THSD7B: variants seen among roughly 807,000 people sequenced by gnomAD.
THSD7B encodes thrombospondin type 1 domain containing 7B.
A neutral mutation model predicts 213.6 loss-of-function variants in THSD7B; 138 were observed. The ratio of observed to expected loss-of-function variants is 0.65; its 90% CI spans 0.56 to 0.74. THSD7B has a LOEUF of 0.74. THSD7B is among the 30% of genes least tolerant of loss of function. The probability of loss-of-function intolerance (pLI) is 0.00; values close to 1 mark genes in which losing one functional copy is unlikely to be tolerated. For missense variants in THSD7B, 1,931 were observed against 1,991.5 expected, an observed-to-expected ratio of 0.97 and a Z score of 0.58; for synonymous variants, 742 against 687.0, an observed-to-expected ratio of 1.08 and a Z score of -1.25.
intron 12 of THSD7B, among the ~76,000 whole-genome samples, chr2:137,377,589 A>T (rs1685685691): frequency 6.6e-6 from 1 of 152,022 alleles, no homozygotes; most frequent in African/African-American, 2.4e-5. Flanking sequence ...GAATATTTAA[A>T]TTATGAATTT....
rs150370293 is a variant in THSD7B, at chr2:137,138,427, T to C, written c.1370-21786T>C. 1.2e-3 allele frequency among the ~76,000 whole-genome samples: 178 copies of C among 152,286 alleles called. 8 individuals are homozygous for C. The South Asian group carries it at 0.018, about 15-fold the overall frequency. On this transcript the variant is annotated intron_variant, in intron 5 of 27. Coordinates refer to ENST00000409968, the MANE Select transcript of THSD7B (RefSeq NM_001316349.2). ...TGCAGTTTTTTTACTCTTGGCTATT[T>C]GGGTGGGTGTATGGTGGTTTCTCCT...
At chr2:136,807,255 G>T (rs1682298372) in intron 1 of THSD7B, among the ~76,000 whole-genome samples, 1 of 151,890 alleles carries the variant, frequency 6.6e-6, no homozygotes, top group Non-Finnish European at 1.5e-5. Flanking sequence ...TAACTTATTT[G>T]GAATTTTTCT....
chr2:137,016,344 A>C (rs556341212), intron 2 of THSD7B, among the ~76,000 whole-genome samples: 298 of 152,254 alleles, frequency 2.0e-3, no homozygotes, highest in Non-Finnish European at 3.7e-3. Flanking sequence ...TGCTAACCTG[A>C]TGTATGATAA....
chr2:136,798,204 G>A (rs1031187755), intron 1 of THSD7B, among the ~76,000 whole-genome samples: 1 of 151,704 alleles, frequency 6.6e-6, no homozygotes, highest in Non-Finnish European at 1.5e-5. Flanking sequence ...AGAATAACAG[G>A]GTTCAGAGTC....
intron 2 of THSD7B, among the ~76,000 whole-genome samples, chr2:136,961,219 C>A (rs1396689701): frequency 9.8e-6 from 1 of 101,574 alleles, no homozygotes; most frequent in Non-Finnish European, 1.8e-5. Context: ...ATGTATTTTT[C>A]TTTTCTTTTT....
At chr2:137,054,797 A>T (rs2104875080) in intron 2 of THSD7B, among the ~76,000 whole-genome samples, 1 of 151,110 alleles carries the variant, frequency 6.6e-6, no homozygotes, top group East Asian at 1.9e-4. Context: ...AAGTTCTGGG[A>T]TATGTGTGCT....
At chr2:137,341,645 A>G (rs1684763762) in intron 12 of THSD7B, among the ~76,000 whole-genome samples, 1 of 151,452 alleles carries the variant, frequency 6.6e-6, no homozygotes. Flanking sequence ...TGATTTTTGT[A>G]TGTGTTGTGG....
intron 7 of THSD7B, among the ~76,000 whole-genome samples, chr2:137,220,352 A>G (rs547961576): frequency 1.3e-5 from 2 of 152,342 alleles, no homozygotes; most frequent in East Asian, 1.9e-4. Flanking sequence ...AAAAATCCCA[A>G]TTAAAATAAT....
chr2:137,629,940 A>C (rs1682708944), intron 20 of THSD7B, among the ~76,000 whole-genome samples: 1 of 152,164 alleles, frequency 6.6e-6, no homozygotes. Context: ...TAAGACCTTC[A>C]GACAAAAATA....
At chr2:137,170,123 T>C (rs1164850806) in intron 6 of THSD7B, among the ~76,000 whole-genome samples, 1 of 152,186 alleles carries the variant, frequency 6.6e-6, no homozygotes, top group African/African-American at 2.4e-5. Context: ...TTACAGTCTC[T>C]GGCTGGGACT....
At chr2:136,863,623 G>A (rs550307550) in intron 1 of THSD7B, among the ~76,000 whole-genome samples, 1 of 152,176 alleles carries the variant, frequency 6.6e-6, no homozygotes, top group African/African-American at 2.4e-5. Flanking sequence ...TGAATAGAAA[G>A]CCAATTGGAG....
At chr2:136,947,960 G>A (rs527750815) in intron 2 of THSD7B, among the ~76,000 whole-genome samples, 35 of 152,246 alleles carry the variant, frequency 2.3e-4, no homozygotes, top group Non-Finnish European at 4.4e-4. Flanking sequence ...ACACTGACTC[G>A]TCTACCATGG....
At chr2:137,085,495 A>C (rs1474586525) in intron 3 of THSD7B, among the ~76,000 whole-genome samples, 1 of 152,170 alleles carries the variant, frequency 6.6e-6, no homozygotes, top group Admixed American at 6.5e-5. Context: ...TTTAAAAGGA[A>C]TAATTAAGAA....
At chr2:137,546,386 TTATA>T (rs1553458960) in intron 15 of THSD7B, among the ~76,000 whole-genome samples, 1 of 33,328 alleles carries the variant, frequency 3.0e-5, no homozygotes, top group Non-Finnish European at 4.7e-5. Context: ...AATATATATA[TTATA>T]TATATTATAT....
At chr2:136,942,648 G>T (rs1301955364) in intron 2 of THSD7B, among the ~76,000 whole-genome samples, 2 of 152,114 alleles carry the variant, frequency 1.3e-5, no homozygotes, top group Admixed American at 6.6e-5. Flanking sequence ...TTGGCTCTCT[G>T]TTTGTCTGTT....
At chr2:136,982,269 G>A (rs1187893896) in intron 2 of THSD7B, among the ~76,000 whole-genome samples, 3 of 150,984 alleles carry the variant, frequency 2.0e-5, no homozygotes, top group African/African-American at 7.3e-5. Context: ...TTCTAGGTAA[G>A]ATAAAATAAA....
At chr2:136,899,385 A>C (rs1364658747) in intron 2 of THSD7B, among the ~76,000 whole-genome samples, 2 of 152,100 alleles carry the variant, frequency 1.3e-5, no homozygotes, top group African/African-American at 4.8e-5. Flanking sequence ...TGCATTCTTA[A>C]ATGTGATTTT....
intron 12 of THSD7B, among the ~76,000 whole-genome samples, chr2:137,330,399 G>T (rs146246198): frequency 1.3e-3 from 205 of 152,298 alleles, no homozygotes; most frequent in African/African-American, 4.7e-3. Flanking sequence ...AAGTGTGTCC[G>T]TAATTGGTGG....
At chr2:137,262,925 A>C (rs1323784174) in intron 10 of THSD7B, among the ~76,000 whole-genome samples, 1 of 152,148 alleles carries the variant, frequency 6.6e-6, no homozygotes, top group Non-Finnish European at 1.5e-5. Flanking sequence ...ATTAGACACA[A>C]TGAGATCAGC....
Sources: gnomAD v4.1 joint callset for allele counts (sites outside exome capture counted in the v4.1 genomes callset) on GRCh38, gnomAD v4.1.1 for gene constraint, MANE v1.5 for transcripts, NCBI Gene and HGNC (gene_info 2026-07-23, HGNC 2026-07-21) for gene names.